The following NXPE2 variants were observed in gnomAD, a reference collection of about 807,000 sequenced individuals.
The protein encoded by NXPE2 is NXPE family member 2.
Under a neutral mutation model 34.4 loss-of-function variants are expected in NXPE2, and 34 were observed. The observed-to-expected ratio is 0.99, with a 90% CI of 0.75 to 1.31. NXPE2 has a LOEUF of 1.31. Among genes scored for constraint, NXPE2 ranks in the 40% most tolerant of loss-of-function variants. The pLI, the probability that NXPE2 is intolerant of heterozygous loss-of-function variation, is 0.00. For synonymous variants in NXPE2, 235 were observed against 231.3 expected (o/e 1.02, Z -0.15); for missense variants, 649 against 672.5 (o/e 0.97, Z 0.39).
the NXPE2 span, among the ~76,000 whole-genome samples, chr11:114,538,582 A>G: frequency 6.6e-6 from 1 of 152,234 alleles, no homozygotes; most frequent in African/African-American, 2.4e-5. Flanking sequence ...CAAATTTATA[A>G]GAAAAAAACA....
the NXPE2 span, among the ~76,000 whole-genome samples, chr11:114,575,973 A>C: frequency 6.6e-6 from 1 of 152,238 alleles, no homozygotes; most frequent in Non-Finnish European, 1.5e-5. Context: ...ATAGTCACTG[A>C]AACAGCATGG....
chr11:114,741,752 T>A, the NXPE2 span, among the ~76,000 whole-genome samples: 1 of 152,230 alleles, frequency 6.6e-6, no homozygotes, highest in Non-Finnish European at 1.5e-5. Context: ...TCTCTTGTAG[T>A]TCACTGAGAT....
At chr11:114,622,935 G>C in the NXPE2 span, among the ~76,000 whole-genome samples, 1 of 152,054 alleles carries the variant, frequency 6.6e-6, no homozygotes, top group Non-Finnish European at 1.5e-5. Flanking sequence ...GTATTGCCTC[G>C]TGGGTTACCA....
At chr11:114,583,002 A>G in the NXPE2 span, 1 of 1,612,632 alleles carries the variant, frequency 6.2e-7, no homozygotes, top group Non-Finnish European at 8.5e-7. Context: ...GGAGATGGAT[A>G]AGTTTAGAGC....
intron 3 of NXPE2, among the ~76,000 whole-genome samples, chr11:114,700,894 G>A (rs1291168811): frequency 6.6e-6 from 1 of 151,974 alleles, no homozygotes; most frequent in Non-Finnish European, 1.5e-5. Context: ...AAAGGCTTTA[G>A]TTTTCTGATA....
chr11:114,795,595 C>G, the NXPE2 span, among the ~76,000 whole-genome samples: 1 of 152,166 alleles, frequency 6.6e-6, no homozygotes. Flanking sequence ...GCATTCACAT[C>G]CTGGAGAGAC....
the NXPE2 span, among the ~76,000 whole-genome samples, chr11:114,781,283 A>G: frequency 6.6e-6 from 1 of 152,210 alleles, no homozygotes. Flanking sequence ...CTAGGCTCCA[A>G]GGGAGCAGGG....
At chr11:114,533,573 G>A in the NXPE2 span, among the ~76,000 whole-genome samples, 2 of 152,266 alleles carry the variant, frequency 1.3e-5, no homozygotes, top group South Asian at 4.2e-4. Flanking sequence ...TGGAAAATCG[G>A]GTCACTCCCA....
intron 2 of NXPE2, among the ~76,000 whole-genome samples, chr11:114,681,193 A>G (rs1369701118): frequency 6.6e-6 from 1 of 152,158 alleles, no homozygotes; most frequent in Non-Finnish European, 1.5e-5. Flanking sequence ...TTGTTGAAAT[A>G]GTTTTCCAAT....
At chr11:114,629,218 A>C in the NXPE2 span, among the ~76,000 whole-genome samples, 2 of 152,072 alleles carry the variant, frequency 1.3e-5, no homozygotes, top group East Asian at 3.8e-4. Context: ...AGACACAACC[A>C]AAAAAGAATT....
chr11:114,749,954 T>C, the NXPE2 span, among the ~76,000 whole-genome samples: 1 of 152,062 alleles, frequency 6.6e-6, no homozygotes, highest in Non-Finnish European at 1.5e-5. Context: ...CCATGTAGAC[T>C]CTCTTCTCTC....
At chr11:114,789,909 C>T in the NXPE2 span, among the ~76,000 whole-genome samples, 11 of 152,190 alleles carry the variant, frequency 7.2e-5, no homozygotes, top group East Asian at 1.9e-4. Context: ...TTCCTCTGCC[C>T]GGAGCCACCT....
the NXPE2 span, among the ~76,000 whole-genome samples, chr11:114,632,618 A>G: frequency 9.8e-6 from 1 of 101,722 alleles, no homozygotes; most frequent in Non-Finnish European, 1.8e-5. Context: ...TATTTTATAT[A>G]TATTTATATA....
At chr11:114,807,954 C>T in the NXPE2 span, among the ~76,000 whole-genome samples, 4 of 152,194 alleles carry the variant, frequency 2.6e-5, no homozygotes, top group African/African-American at 9.7e-5. Context: ...TAAAGCACTC[C>T]TCAGCAAATG....
At chr11:114,793,578 A>G in the NXPE2 span, among the ~76,000 whole-genome samples, 1 of 152,224 alleles carries the variant, frequency 6.6e-6, no homozygotes, top group East Asian at 1.9e-4. Flanking sequence ...GCCTTCTGCG[A>G]TGGGAAGCTT....
the NXPE2 span, among the ~76,000 whole-genome samples, chr11:114,558,652 A>G: frequency 6.6e-6 from 1 of 152,200 alleles, no homozygotes; most frequent in Non-Finnish European, 1.5e-5. Flanking sequence ...AAGCTAAACA[A>G]TCCTCCTGTT....
chr11:114,476,984 C>T, the NXPE2 span, among the ~76,000 whole-genome samples: 1 of 152,212 alleles, frequency 6.6e-6, no homozygotes, highest in Non-Finnish European at 1.5e-5. Flanking sequence ...TATCATTCCA[C>T]TTCTAGGACA....
chr11:114,621,739 G>A, the NXPE2 span, among the ~76,000 whole-genome samples: 7,416 of 148,548 alleles, frequency 0.05, 601 homozygotes, highest in African/African-American at 0.17. Context: ...GGGTAACCAC[G>A]GTTAACTGCT....
the NXPE2 span, among the ~76,000 whole-genome samples, chr11:114,601,913 ATTATATATAATATAT>A: frequency 5.1e-5 from 2 of 39,114 alleles, no homozygotes; most frequent in Non-Finnish European, 1.0e-4. Context: ...ATATTATATA[ATTATATATAATATAT>A]TTATATATAT....
Sources: gnomAD v4.1 joint callset for allele counts (sites outside exome capture counted in the v4.1 genomes callset) on GRCh38, gnomAD v4.1.1 for gene constraint, MANE v1.5 for transcripts, NCBI Gene and HGNC (gene_info 2026-07-23, HGNC 2026-07-21) for gene names.